The following XRRA1 variants were observed in gnomAD, a reference collection of about 807,000 sequenced individuals.
XRRA1 encodes X-ray radiation resistance-associated protein 1.
XRRA1 carries 69 observed loss-of-function variants against 80.2 expected under a neutral mutation model. That is an observed-to-expected ratio of 0.86 (90% CI 0.71 to 1.05). The LOEUF (loss-of-function observed/expected upper bound fraction) is 1.05. Ranked by LOEUF, XRRA1 falls within the 50% of genes least tolerant of loss-of-function variation. The pLI is 0.00. For synonymous variants in XRRA1, 348 were observed against 389.9 expected (o/e 0.89, Z 1.27); for missense variants, 967 against 976.4 (o/e 0.99, Z 0.13).
At chr11:74,876,395 G>A (rs2046049935) in intron 10 of XRRA1, 2 of 152,088 alleles carry the variant, frequency 1.3e-5, no homozygotes, top group South Asian at 4.1e-4. Flanking sequence ...TGTATTAACA[G>A]CCTTTCCTTA....
intron 7 of XRRA1, among the ~76,000 whole-genome samples, chr11:74,924,664 C>T (rs896600242): frequency 6.6e-6 from 1 of 151,928 alleles, no homozygotes; most frequent in African/African-American, 2.4e-5. Flanking sequence ...TGAAACCCTT[C>T]TCTACCAAAA....
Position 74,848,139 on chromosome 11 carries a change from GCTCTTGGAGTC to G in XRRA1, c.1693_1703del (p.Asp565HisfsTer11). 1 of 1,611,698 alleles carries G rather than the reference GCTCTTGGAGTC, an allele frequency of 6.2e-7. No individual in the cohort carries two copies. Among genetic ancestry groups the G allele is most frequent in the South Asian group, 1.1e-5 (1 of 91,040 alleles). Reference sequence around the variant, plus strand: ...CCTGGGTCAGGAAGATGGACTCTGTGCTCTTGGAGTCCTCATCTGATGGGCGCTCTGGGCTG... The same window carrying G: ...CCTGGGTCAGGAAGATGGACTCTGTGCTCATCTGATGGGCGCTCTGGGCTG... On this transcript the variant is annotated frameshift_variant, in exon 15 of 19. Coordinates refer to ENST00000684022, the MANE Select transcript of XRRA1 (RefSeq NM_001378157.1). LOFTEE classifies it high-confidence loss of function.
intron 12 of XRRA1, among the ~76,000 whole-genome samples, chr11:74,857,284 T>A (rs1369053380): frequency 6.6e-6 from 1 of 151,846 alleles, no homozygotes; most frequent in East Asian, 1.9e-4. Context: ...TATAAATAGG[T>A]TGCAAGTAAA....
chr11:74,879,774 T>C (rs1377679527), intron 10 of XRRA1, among the ~76,000 whole-genome samples: 1 of 148,060 alleles, frequency 6.8e-6, no homozygotes, highest in African/African-American at 2.5e-5. Context: ...CATTTATTGA[T>C]TTGCGTATAT....
intron 3 of XRRA1, among the ~76,000 whole-genome samples, chr11:74,938,964 T>C (rs1183205321): frequency 6.6e-6 from 1 of 152,244 alleles, no homozygotes; most frequent in African/African-American, 2.4e-5. Flanking sequence ...CATCCTATAA[T>C]GGTTCTTACC....
intron 11 of XRRA1, among the ~76,000 whole-genome samples, chr11:74,861,258 G>T (rs1180374448): frequency 1.3e-5 from 2 of 152,344 alleles, no homozygotes; most frequent in African/African-American, 2.4e-5. Flanking sequence ...TCCCTGGCTT[G>T]TTGGGAACTG....
chr11:74,891,888 C>T (rs182408087), intron 10 of XRRA1, among the ~76,000 whole-genome samples: 1 of 152,232 alleles, frequency 6.6e-6, no homozygotes, highest in African/African-American at 2.4e-5. Context: ...CAAACCACTG[C>T]TCAATGAAAT....
chr11:74,939,954 ATAGG>A (rs561337057), intron 3 of XRRA1, among the ~76,000 whole-genome samples: 277 of 152,290 alleles, frequency 1.8e-3, no homozygotes, highest in African/African-American at 6.4e-3. Context: ...AAGGTGTCTG[ATAGG>A]TAGGTGGCCA....
intron 10 of XRRA1, among the ~76,000 whole-genome samples, chr11:74,900,270 A>T (rs2053321157): frequency 1.3e-5 from 2 of 152,184 alleles, no homozygotes; most frequent in Non-Finnish European, 2.9e-5. Context: ...AGCAAAACAA[A>T]TTCAACAGTA....
At chr11:74,908,500 T>C (rs928546824) in intron 8 of XRRA1, among the ~76,000 whole-genome samples, 1 of 152,178 alleles carries the variant, frequency 6.6e-6, no homozygotes, top group Non-Finnish European at 1.5e-5. Context: ...AGGACAGTAA[T>C]GTATACCTGA....
At chr11:74,910,026 G>C (rs1030769272) in intron 8 of XRRA1, 2 of 152,248 alleles carry the variant, frequency 1.3e-5, no homozygotes, top group African/African-American at 4.8e-5. Flanking sequence ...TATGGTAAAG[G>C]GGGATTTCTT....
chr11:74,893,257 G>A (rs1339912653), intron 10 of XRRA1, among the ~76,000 whole-genome samples: 1 of 152,128 alleles, frequency 6.6e-6, no homozygotes, highest in African/African-American at 2.4e-5. Context: ...TCCTTTGTAG[G>A]GACATGTATG....
chr11:74,943,524 G>GGGGTGTGTGTGTGTGTGTGTGTGTGT (rs1330173160), intron 2 of XRRA1, among the ~76,000 whole-genome samples: 7 of 137,762 alleles, frequency 5.1e-5, no homozygotes, highest in African/African-American at 1.6e-4. Context: ...AGAGTAGGAG[G>GGGGTGTGTGTGTGTGTGTGTGTGTGT]GTGTGTGTGT....
At chr11:74,879,138 C>A (rs1201318540) in intron 10 of XRRA1, among the ~76,000 whole-genome samples, 9 of 149,402 alleles carry the variant, frequency 6.0e-5, no homozygotes, top group Non-Finnish European at 4.5e-5. Context: ...CTTTTATTTC[C>A]TTGAGCAGTG....
At chr11:74,906,139 C>G (rs959303688) in intron 10 of XRRA1, 100 bp downstream of exon 10, 1 of 1,106,450 alleles carries the variant, frequency 9.0e-7, no homozygotes, top group African/African-American at 1.6e-5. Flanking sequence ...AAATTCAATT[C>G]GTGATATTCA....
intron 10 of XRRA1, chr11:74,877,067 C>A (rs2046203074): frequency 1.3e-5 from 2 of 152,190 alleles, no homozygotes; most frequent in South Asian, 4.1e-4. Context: ...GGACTATATA[C>A]TGTGGTACCT....
chr11:74,843,646 A>T, intron 18 of XRRA1, 193 bp from the exon 19 acceptor site: 1 of 863,624 alleles, frequency 1.2e-6, no homozygotes, highest in East Asian at 2.7e-5. Flanking sequence ...CTCTATCTTA[A>T]GCCCTGGTTC....
At chr11:74,880,737 A>G (rs1313124377) in intron 10 of XRRA1, among the ~76,000 whole-genome samples, 4 of 150,970 alleles carry the variant, frequency 2.6e-5, no homozygotes, top group African/African-American at 4.8e-5. Flanking sequence ...GTCATTCAGG[A>G]GCAGGTTGTT....
intron 10 of XRRA1, among the ~76,000 whole-genome samples, chr11:74,900,210 AG>A (rs2053308731): frequency 6.6e-6 from 1 of 152,064 alleles, no homozygotes; most frequent in African/African-American, 2.4e-5. Flanking sequence ...ATAATAATAC[AG>A]GCCAATATAT....
Sources: gnomAD v4.1 joint callset for allele counts (sites outside exome capture counted in the v4.1 genomes callset) on GRCh38, gnomAD v4.1.1 for gene constraint, MANE v1.5 for transcripts, NCBI Gene and HGNC (gene_info 2026-07-23, HGNC 2026-07-21) for gene names.